MAP2K5: variants seen among roughly 807,000 people sequenced by gnomAD.
MAP2K5 encodes the protein dual specificity mitogen-activated protein kinase kinase 5.
Under a neutral mutation model 83.1 loss-of-function variants are expected in MAP2K5, and 49 were observed. The observed-to-expected ratio is 0.59, with a 90% confidence interval of 0.47 to 0.75. The LOEUF is 0.75. Among genes scored for constraint, MAP2K5 ranks in the 30% least tolerant of loss-of-function variants. The pLI, the probability that MAP2K5 is intolerant of heterozygous loss-of-function variation, is 0.00. For synonymous variants in MAP2K5, 202 were observed against 191.8 expected, an observed-to-expected ratio of 1.05 and a Z score of -0.44; for missense variants, 457 against 557.5, an observed-to-expected ratio of 0.82 and a Z score of 1.82.
intron 13 of MAP2K5, among the ~76,000 whole-genome samples, chr15:67,683,483 G>A (rs965907959): frequency 5.9e-5 from 9 of 152,020 alleles, no homozygotes; most frequent in East Asian, 5.8e-4. Flanking sequence ...AAAGGGAGGC[G>A]GGGTGTGGTG....
In MAP2K5 at chr15:67,652,070, G is replaced by A. The variant is rs2086967670; in HGVS notation, c.736+5601G>A. Among the ~76,000 whole-genome samples, 1 of 152,126 alleles carries A rather than the reference G, an allele frequency of 6.6e-6. No homozygotes were observed. Among genetic ancestry groups the A allele is most frequent in the Non-Finnish European group, 1.5e-5 (1 of 68,040 alleles). ...ATAAAAGCCATTTCAGCTGGAGTGA[G>A]AGGATATCTCACTGTGGTTTTGATT... On this transcript the variant is annotated intron_variant, in intron 11 of 21. Transcript: ENST00000178640. The surrounding 1 kb of genome is among the most constrained non-coding windows in gnomAD (Gnocchi z 4.2).
chr15:67,732,308 T>G (rs1217437634), intron 17 of MAP2K5, among the ~76,000 whole-genome samples: 2 of 152,162 alleles, frequency 1.3e-5, no homozygotes, highest in Non-Finnish European at 2.9e-5. Flanking sequence ...CTAAAAATTG[T>G]CATCCTTCAT....
In MAP2K5 at chr15:67,720,957, T is replaced by C. The variant is rs148135397; in HGVS notation, c.1045-6959T>C. 0.017 allele frequency among the ~76,000 whole-genome samples: 2,663 copies of C among 152,292 alleles called. 90 individuals carry two copies. Among genetic ancestry groups the C allele is most frequent in the African/African-American group, 0.061 (2,545 of 41,562 alleles). ...AATGTATCACGCTTTTCAGCATTCA[T>C]GGTTAGGCTATAGCAGGCAATCATT... On this transcript the variant is annotated intron_variant, in intron 16 of 21. Transcript: ENST00000178640. The surrounding 1 kb of genome is among the most constrained non-coding windows in gnomAD (Gnocchi z 5.7).
chr15:67,709,478 C>CAAAAAAAAAAAA (rs34286897), intron 16 of MAP2K5, among the ~76,000 whole-genome samples: 1 of 129,718 alleles, frequency 7.7e-6, no homozygotes, highest in Non-Finnish European at 1.6e-5. Flanking sequence ...GACTTCAGGG[C>CAAAAAAAAAAAA]AAAAAAAAAA....
chr15:67,680,411 GAGA>G (rs1164338303), intron 13 of MAP2K5, among the ~76,000 whole-genome samples: 1 of 152,096 alleles, frequency 6.6e-6, no homozygotes, highest in Non-Finnish European at 1.5e-5. Flanking sequence ...TATCAGATTT[GAGA>G]AGAAATAATT....
In MAP2K5 at chr15:67,587,869, C is replaced by T. The variant is rs1370503606; in HGVS notation, c.431+956C>T. Among the ~76,000 whole-genome samples, 2 of 152,186 alleles carry T rather than the reference C, an allele frequency of 1.3e-5. No homozygotes were observed. The highest frequency in any genetic ancestry group is 2.9e-5 in the Non-Finnish European group (2 of 68,038). On this transcript the variant is annotated intron_variant, in intron 6 of 21. Transcript: ENST00000178640. This position sits in a 1 kb window ranked among gnomAD's most constrained non-coding sequence, Gnocchi z 4.8. ...CAGTGCCACACCCTGTCAGTCCCCA[C>T]ACTTGTGGGTTCTACCTTCTGAGTA...
At chr15:67,609,823 C>T (rs2085877472) in intron 8 of MAP2K5, among the ~76,000 whole-genome samples, 1 of 152,026 alleles carries the variant, frequency 6.6e-6, no homozygotes, top group African/African-American at 2.4e-5. Flanking sequence ...ATGGGAAAAT[C>T]TGGGAGAAGA....
At chr15:67,606,527 T>C (rs1292307942) in intron 8 of MAP2K5, among the ~76,000 whole-genome samples, 1 of 152,204 alleles carries the variant, frequency 6.6e-6, no homozygotes, top group Non-Finnish European at 1.5e-5. Context: ...GGAATTGTCA[T>C]TCTCAAAGAT....
intron 3 of MAP2K5, among the ~76,000 whole-genome samples, chr15:67,571,376 A>G (rs976764740): frequency 6.6e-6 from 1 of 152,172 alleles, no homozygotes; most frequent in African/African-American, 2.4e-5. Flanking sequence ...GTTCCCCACA[A>G]TACCTGTTTA....
At chr15:67,742,910 C>G (rs36114201) in intron 17 of MAP2K5, among the ~76,000 whole-genome samples, 15,662 of 152,126 alleles carry the variant, frequency 0.1, 894 homozygotes, top group Admixed American at 0.11. Context: ...TTTTTTTCCT[C>G]CTCACTGACT....
chr15:67,568,145 C>T (rs1011499188), intron 3 of MAP2K5, among the ~76,000 whole-genome samples: 2 of 151,944 alleles, frequency 1.3e-5, no homozygotes, highest in African/African-American at 4.8e-5. Context: ...CATTTTTTCC[C>T]ACATTGCCAG....
At chr15:67,709,956 T>C (rs962168776) in intron 16 of MAP2K5, among the ~76,000 whole-genome samples, 10 of 152,216 alleles carry the variant, frequency 6.6e-5, no homozygotes, top group African/African-American at 2.4e-4. Context: ...TGTGGTGGGT[T>C]ATTATAAACT....
intron 13 of MAP2K5, among the ~76,000 whole-genome samples, chr15:67,670,715 C>T (rs1373889953): frequency 6.6e-6 from 1 of 151,398 alleles, no homozygotes; most frequent in African/African-American, 2.4e-5. Context: ...GCCAGCCAAC[C>T]CCCCCACCCC....
intron 15 of MAP2K5, among the ~76,000 whole-genome samples, chr15:67,696,037 G>C (rs981807661): frequency 5.9e-5 from 9 of 152,032 alleles, no homozygotes; most frequent in African/African-American, 2.2e-4. Flanking sequence ...TTGGGGGTGG[G>C]GGGAGGTGGA....
At chr15:67,759,675 A>G (rs1008188326) in intron 19 of MAP2K5, among the ~76,000 whole-genome samples, 2 of 152,200 alleles carry the variant, frequency 1.3e-5, no homozygotes, top group African/African-American at 4.8e-5. Context: ...GAAGTTAGCA[A>G]GAAGTAAAAG....
At position 67,563,361 on chromosome 15, in the gene MAP2K5, G is replaced by A. The variant is rs2084777586; in HGVS notation, c.252+11G>A. ...GCAATGCTGTCATATGTAAGTATAC[G>A]ACAAATGAAGACTATTTTTTAAAAT... On this transcript the variant is annotated intron_variant, in intron 3 of 21. Transcript: ENST00000178640. The surrounding 1 kb of genome is among the most constrained non-coding windows in gnomAD (Gnocchi z 4.5). 2 of 1,602,052 alleles carry A rather than the reference G, an allele frequency of 1.2e-6. No individual in the cohort carries two copies.
At chr15:67,629,116 G>A in intron 8 of MAP2K5, 1 of 732,914 alleles carries the variant, frequency 1.4e-6, no homozygotes, top group East Asian at 2.5e-5. Context: ...AGTAGCTACG[G>A]CAGTGGCAGA....
intron 8 of MAP2K5, among the ~76,000 whole-genome samples, chr15:67,624,734 A>G (rs1349084645): frequency 6.6e-6 from 1 of 151,668 alleles, no homozygotes; most frequent in Non-Finnish European, 1.5e-5. Context: ...GGTTCAAGCA[A>G]TTCTCCTGCC....
intron 8 of MAP2K5, among the ~76,000 whole-genome samples, chr15:67,622,591 G>A (rs1227373455): frequency 6.6e-6 from 1 of 151,430 alleles, no homozygotes; most frequent in Non-Finnish European, 1.5e-5. Flanking sequence ...GTAGTAATTT[G>A]TCAAACATTT....
Sources: gnomAD v4.1 joint callset for allele counts (sites outside exome capture counted in the v4.1 genomes callset) on GRCh38, gnomAD v4.1.1 for gene constraint, Gnocchi (gnomAD v3.1) non-coding constraint, MANE v1.5 for transcripts, NCBI Gene and HGNC (gene_info 2026-07-23, HGNC 2026-07-21) for gene names.